TRAK2: variants seen among roughly 807,000 people sequenced by gnomAD.
TRAK2 encodes the protein trafficking kinesin-binding protein 2.
Under a neutral mutation model 104.6 loss-of-function variants are expected in TRAK2, and 81 were observed. The ratio of observed to expected loss-of-function variants is 0.77; its 90% CI spans 0.65 to 0.93. The LOEUF is 0.93. Among genes scored for constraint, TRAK2 ranks in the 40% least tolerant of loss-of-function variants. The pLI is 0.00. For missense variants in TRAK2, 1,002 were observed against 1,089.0 expected (o/e 0.92, Z 1.12); for synonymous variants, 406 against 394.4 (o/e 1.03, Z -0.35).
intron 2 of TRAK2, 32 bp downstream of exon 2, chr2:201,420,385 T>C (rs751905067): frequency 1.6e-5 from 26 of 1,575,918 alleles, no homozygotes; most frequent in East Asian, 6.7e-5. Flanking sequence ...CTATAAGCGA[T>C]AGCACTTCAA....
chr2:201,409,425 T>C (rs772665223), intron 2 of TRAK2, among the ~76,000 whole-genome samples: 2 of 152,200 alleles, frequency 1.3e-5, no homozygotes, highest in Admixed American at 6.5e-5. Context: ...GAAGTTTGAA[T>C]TTGAAATGAA....
Position 201,383,982 on chromosome 2 carries a change from C to T in TRAK2, c.2069+129G>A, listed in dbSNP as rs1420140299. ...TGAGAAAATGCAATGTGAAAATATT[C>T]TAAAGACACATTATCACAGAACATT... On this transcript the variant is annotated intron_variant, in intron 15 of 15. Coordinates refer to ENST00000332624, the MANE Select transcript of TRAK2 (RefSeq NM_015049.3). 6.0e-6 allele frequency: 4 copies of T among 667,268 alleles called. No individual in the cohort carries two copies. The Admixed American group carries it at 9.0e-5, about 15-fold the overall frequency. 41.3% of individuals were successfully genotyped at this position (667,268 alleles called of 1,614,324 possible).
intron 15 of TRAK2, 73 bp downstream of exon 15, chr2:201,384,038 A>G: frequency 1.1e-6 from 1 of 936,802 alleles, no homozygotes; most frequent in Non-Finnish European, 1.7e-6. Context: ...AAATGAAGGT[A>G]ATTTTAAAAA....
At chr2:201,387,180 A>G (rs1037088143) in intron 13 of TRAK2, among the ~76,000 whole-genome samples, 3 of 152,238 alleles carry the variant, frequency 2.0e-5, no homozygotes, top group African/African-American at 7.2e-5. Context: ...AGAATCATTC[A>G]ATGATTGTCA....
chr2:201,435,249 G>T (rs1198144857), intron 1 of TRAK2, among the ~76,000 whole-genome samples: 2 of 152,108 alleles, frequency 1.3e-5, no homozygotes, highest in African/African-American at 4.8e-5. Flanking sequence ...GTAGAGATGG[G>T]GTTATACCAT....
In TRAK2 at chr2:201,395,445, C is replaced by T. The variant is rs779534840; in HGVS notation, c.770-1G>A. ...CTGGACATCTGAGCATTTGTTTCAC[C>T]TTGGAAGCAAAAAAAATTTTTTTAA... On this transcript the variant is annotated splice_acceptor_variant, in intron 7 of 15. Coordinates refer to ENST00000332624, the MANE Select transcript of TRAK2 (RefSeq NM_015049.3). LOFTEE classifies it high-confidence loss of function. 1 of 1,505,808 alleles carries T rather than the reference C, an allele frequency of 6.6e-7. No homozygotes were observed. The highest frequency in any genetic ancestry group is 9.0e-7 in the Non-Finnish European group (1 of 1,115,416). The allele number at this position is 1,505,808 out of a possible 1,614,324, so 93.3% of individuals were successfully genotyped here. A position where few individuals can be genotyped will look rare whatever the true frequency, so the allele number is the denominator to read the frequency against.
chr2:201,387,833 A>G lies in TRAK2; in HGVS notation c.1566T>C (p.Ser522=). The G allele has an allele frequency of 6.2e-7, 1 of 1,614,192 alleles. No individual in the cohort carries two copies. Among genetic ancestry groups the G allele is most frequent in the South Asian group, 1.1e-5 (1 of 91,080 alleles). The change falls in exon 13 of 16, where the codon AGT becomes AGC. Residue 522 remains serine, a synonymous_variant. Coordinates refer to ENST00000332624, the MANE Select transcript of TRAK2 (RefSeq NM_015049.3). ...QVLADQKEGV[S]GCVTPTESLA... The stretch of plus-strand genomic sequence containing the variant: ...GGCTCTCTGTCGGGGTGACACAGCC[A>G]CTAACTCCTTCCTTCTGGTCTGCCA...
intron 2 of TRAK2, among the ~76,000 whole-genome samples, chr2:201,416,212 C>A: frequency 7.1e-6 from 1 of 140,514 alleles, no homozygotes; most frequent in Non-Finnish European, 1.5e-5. Flanking sequence ...CATAGTGAAA[C>A]CCTGACTCTA....
chr2:201,386,336 C>T lies in TRAK2; in HGVS notation c.1845G>A (p.Glu615=), dbSNP rs1165232397. ...YHISDLEEDE[E]EGITFQVQQP... ...GCTGAACCTGAAAAGTAATACCCTC[C>T]TCTTCATCCTCTTCTAAATCTGAGA... The change falls in exon 14 of 16, where the codon GAG becomes GAA. Residue 615 remains glutamate, a synonymous_variant. Coordinates refer to ENST00000332624, the MANE Select transcript of TRAK2 (RefSeq NM_015049.3). 2 of 1,614,034 alleles carry T rather than the reference C, an allele frequency of 1.2e-6. No individual in the cohort carries two copies. Among genetic ancestry groups the T allele is most frequent in the East Asian group, 2.2e-5 (1 of 44,886 alleles).
intron 2 of TRAK2, chr2:201,410,709 T>C (rs1352156775): frequency 4.3e-6 from 6 of 1,410,932 alleles, no homozygotes; most frequent in Non-Finnish European, 6.0e-6. Context: ...TGCCCGTAGC[T>C]GGAGAAACTT....
chr2:201,397,687 G>T, intron 6 of TRAK2, 107 bp from the exon 7 acceptor site: 1 of 810,172 alleles, frequency 1.2e-6, no homozygotes. Flanking sequence ...CACTTACAAA[G>T]GAAAAAACCC....
chr2:201,377,677 CACA>C lies in TRAK2; in HGVS notation c.*2863_*2865del, dbSNP rs1266179244. The C allele has an allele frequency of 1.3e-5, 2 of 152,536 alleles. No individual in the cohort carries two copies. Among genetic ancestry groups the C allele is most frequent in the Non-Finnish European group, 2.9e-5 (2 of 68,034 alleles). 9.4% of individuals were successfully genotyped at this position (152,536 alleles called of 1,614,324 possible). On this transcript the variant is annotated 3_prime_UTR_variant, in exon 16 of 16. Transcript: ENST00000332624. ...TTTATGTCAAATCAAGAACATACAG[CACA>C]ACATTTTCTAAAAAAGCACTTTAAC...
rs778339068 is a variant in TRAK2, at chr2:201,381,188, A to G, written c.2100T>C (p.Ser700=). The G allele has an allele frequency of 1.2e-5, 19 of 1,612,680 alleles. No homozygotes were observed. In the East Asian group the frequency reaches 2.9e-4, roughly 25 times the overall value. The change falls in exon 16 of 16, where the codon AGT becomes AGC. Residue 700 remains serine (S), a synonymous_variant. Transcript: ENST00000332624. Reference sequence around the variant, plus strand: ...CCGTGTTGGATGAACTGCTACCGCTACTTCCACAGGATAATGAAGGGAACC... The same window carrying G: ...CCGTGTTGGATGAACTGCTACCGCTGCTTCCACAGGATAATGAAGGGAACC... ...SSGFPSLSCG[S]SGSSSSNTAV...
intron 10 of TRAK2, 56 bp from the exon 11 acceptor site, chr2:201,389,936 T>C: frequency 7.3e-7 from 1 of 1,364,112 alleles, no homozygotes; most frequent in Non-Finnish European, 1.0e-6. Flanking sequence ...ATTAACAGAG[T>C]CTCTACAATC....
At position 201,398,165 on chromosome 2, in the gene TRAK2, T is replaced by C; in HGVS notation, c.670A>G (p.Asn224Asp). Reference sequence around the variant, plus strand: ...CGTACCTTGGATCGAAGAGCCATATTCTCTTCTTCCAGTTCCTTGAGCTTT... The same window carrying C: ...CGTACCTTGGATCGAAGAGCCATATCCTCTTCTTCCAGTTCCTTGAGCTTT... ...QEKLKELEEE[N>D]MALRSKACHI... The change falls in exon 6 of 16, where the codon AAT becomes GAT. Residue 224 changes from asparagine to aspartate, a missense_variant. Asn to Asp is a conservative substitution (Grantham distance 23). Transcript: ENST00000332624. 6.2e-7 allele frequency: 1 copy of C among 1,613,654 alleles called. No individual in the cohort carries two copies. Among genetic ancestry groups the C allele is most frequent in the East Asian group, 2.2e-5 (1 of 44,872 alleles).
intron 7 of TRAK2, among the ~76,000 whole-genome samples, chr2:201,395,812 C>A (rs1951496203): frequency 6.6e-6 from 1 of 152,130 alleles, no homozygotes; most frequent in Non-Finnish European, 1.5e-5. Context: ...TCATTCATTT[C>A]TTTGAGAACT....
intron 2 of TRAK2, chr2:201,410,547 C>A (rs1559446312): frequency 8.7e-7 from 1 of 1,149,864 alleles, no homozygotes. Context: ...AGACACCTCA[C>A]CCAAAAAGAT....
intron 2 of TRAK2, among the ~76,000 whole-genome samples, chr2:201,420,087 C>T (rs550537917): frequency 6.6e-6 from 1 of 152,244 alleles, no homozygotes; most frequent in African/African-American, 2.4e-5. Context: ...GTGTGCCAGG[C>T]ATTGTTGTTA....
At chr2:201,438,187 G>A (rs1319964206) in intron 1 of TRAK2, among the ~76,000 whole-genome samples, 2 of 152,140 alleles carry the variant, frequency 1.3e-5, no homozygotes, top group Admixed American at 6.5e-5. Flanking sequence ...AGTGAAATTC[G>A]TGCCTTTACT....
Sources: gnomAD v4.1 joint callset for allele counts (sites outside exome capture counted in the v4.1 genomes callset) on GRCh38, gnomAD v4.1.1 for gene constraint, MANE v1.5 for transcripts, NCBI Gene and HGNC (gene_info 2026-07-23, HGNC 2026-07-21) for gene names.